ROCK1: variants seen among roughly 807,000 people sequenced by gnomAD.
ROCK1 encodes the protein Rho associated coiled-coil containing protein kinase 1.
Under a neutral mutation model 196.8 loss-of-function variants are expected in ROCK1, and 36 were observed. The observed-to-expected ratio is 0.18, with a 90% confidence interval of 0.14 to 0.24. ROCK1 has a LOEUF of 0.24. ROCK1 is among the 10% of genes least tolerant of loss of function. ROCK1 has a pLI of 1.00. For missense variants in ROCK1, 920 were observed against 1,562.0 expected (o/e 0.59, Z 6.93); for synonymous variants, 443 against 515.9 (o/e 0.86, Z 1.91).
At chr18:21,079,762 T>A (rs2036467157) in intron 1 of ROCK1, among the ~76,000 whole-genome samples, 1 of 152,192 alleles carries the variant, frequency 6.6e-6, no homozygotes, top group South Asian at 2.1e-4. Flanking sequence ...TGTAAAGGTC[T>A]GGGTTGTCTC....
chr18:21,052,584 A>C (rs893845716), intron 2 of ROCK1, among the ~76,000 whole-genome samples: 1 of 152,186 alleles, frequency 6.6e-6, no homozygotes, highest in Admixed American at 6.5e-5. Context: ...ACTGGGCCAC[A>C]CAGCATGAGG....
chr18:21,028,793 T>C lies in ROCK1; in HGVS notation c.1194A>G (p.Thr398=). Residue 398 remains threonine, a synonymous_variant, in exon 10 of 33, where the codon ACA becomes ACG. Transcript: ENST00000399799. ...VGNQLPFVGF[T]YYSNRRYLSS... ...ATACTTACCTACGATTGCTATAATA[T>C]GTAAATCCTACAAAAGGTAGTTGAT... 1.2e-6 allele frequency: 2 copies of C among 1,611,826 alleles called. No individual in the cohort carries two copies. The highest frequency in any genetic ancestry group is 1.7e-6 in the Non-Finnish European group (2 of 1,179,406).
At chr18:20,958,912 TTA>T (rs1568367081) in intron 29 of ROCK1, among the ~76,000 whole-genome samples, 1 of 75,062 alleles carries the variant, frequency 1.3e-5, no homozygotes. Flanking sequence ...TATATATATT[TTA>T]TATATTTTAT....
chr18:21,097,657 T>G (rs1458588565), intron 1 of ROCK1, among the ~76,000 whole-genome samples: 1 of 152,196 alleles, frequency 6.6e-6, no homozygotes, highest in Non-Finnish European at 1.5e-5. Flanking sequence ...CAAAAGTAGT[T>G]TTTCCCAAGG....
rs137990361 is a variant in ROCK1, at chr18:21,079,773, G to A, written c.94-9160C>T. Among the ~76,000 whole-genome samples the A allele has an allele frequency of 6.8e-3, 1,028 of 152,254 alleles. 11 individuals are homozygous for A. The highest frequency in any genetic ancestry group is 0.022 in the African/African-American group (919 of 41,530). On this transcript the variant is annotated intron_variant, in intron 1 of 32. Transcript: ENST00000399799. ...AACTTGTAAAGGTCTGGGTTGTCTCGCAGAGCAAAGAAAGCCTGTACATAG... is the reference window on the plus strand; with the variant it reads ...AACTTGTAAAGGTCTGGGTTGTCTCACAGAGCAAAGAAAGCCTGTACATAG...
At chr18:21,023,882 A>T (rs117979437) in intron 10 of ROCK1, among the ~76,000 whole-genome samples, 104 of 152,320 alleles carry the variant, frequency 6.8e-4, no homozygotes, top group Non-Finnish European at 1.2e-3. Context: ...TTAGGTCTAA[A>T]AATAGTAGCA....
At chr18:20,959,170 A>AAT (rs1350848948) in intron 29 of ROCK1, among the ~76,000 whole-genome samples, 2 of 63,536 alleles carry the variant, frequency 3.1e-5, no homozygotes, top group East Asian at 4.5e-4. Context: ...TATATTATAT[A>AAT]ATATATATAA....
chr18:20,964,831 A>T (rs745739335), intron 27 of ROCK1, among the ~76,000 whole-genome samples: 1 of 152,212 alleles, frequency 6.6e-6, no homozygotes, highest in Admixed American at 6.5e-5. Context: ...AAGTCTGCCA[A>T]TGAAGCCAGC....
intron 2 of ROCK1, among the ~76,000 whole-genome samples, chr18:21,069,770 G>C (rs562997939): frequency 3.2e-4 from 49 of 152,054 alleles, no homozygotes; most frequent in African/African-American, 1.2e-3. Context: ...TATGTCCATA[G>C]GACATGAGAA....
At chr18:20,992,715 T>C in intron 17 of ROCK1, 116 bp downstream of exon 17, 1 of 615,786 alleles carries the variant, frequency 1.6e-6, no homozygotes. Context: ...TAAAAACTTT[T>C]AGAAATGTAA....
chr18:21,080,602 A>C (rs1206615059), intron 1 of ROCK1, among the ~76,000 whole-genome samples: 1 of 152,182 alleles, frequency 6.6e-6, no homozygotes, highest in African/African-American at 2.4e-5. Flanking sequence ...GCTGCCCATA[A>C]GGAACTCACT....
rs192328351 is a variant in ROCK1 at position 21,015,625 on chromosome 18, C to T, written c.1362-146G>A. ...GATCTCTTTGGCAGTCAAGTGAAGC[C>T]TATGGCCTTTTTTCAAAATATTTTT... On this transcript the variant is annotated intron_variant, in intron 12 of 32. Coordinates refer to ENST00000399799, the MANE Select transcript of ROCK1 (RefSeq NM_005406.3). 9.6e-5 allele frequency: 60 copies of T among 625,124 alleles called. No homozygotes were observed. The African/African-American group carries it at 1.0e-3, about 11-fold the overall frequency. 38.7% of individuals were successfully genotyped at this position (625,124 alleles called of 1,614,324 possible).
At chr18:21,098,244 C>A (rs1293408644) in intron 1 of ROCK1, among the ~76,000 whole-genome samples, 1 of 151,920 alleles carries the variant, frequency 6.6e-6, no homozygotes, top group African/African-American at 2.4e-5. Flanking sequence ...GCAAGAGAGA[C>A]CAATGGAACA....
intron 20 of ROCK1, among the ~76,000 whole-genome samples, chr18:20,983,935 A>G (rs943594186): frequency 2.6e-5 from 4 of 152,182 alleles, no homozygotes; most frequent in Non-Finnish European, 5.9e-5. Flanking sequence ...CTTGTTCTCC[A>G]TTTCAAATAA....
At position 21,083,276 on chromosome 18, in the gene ROCK1, G is replaced by C. The variant is rs145909988; in HGVS notation, c.94-12663C>G. On this transcript the variant is annotated intron_variant, in intron 1 of 32. Transcript: ENST00000399799. ...ACTCAAAGTAATATACAGATTAAAT[G>C]TAATCCCTATCAAAATCCCAATGGT... 7.2e-5 allele frequency among the ~76,000 whole-genome samples: 11 copies of C among 152,226 alleles called. No individual in the cohort carries two copies. The East Asian group carries it at 2.1e-3, about 29-fold the overall frequency.
intron 32 of ROCK1, among the ~76,000 whole-genome samples, chr18:20,951,892 G>A (rs1055449183): frequency 6.6e-6 from 1 of 152,122 alleles, no homozygotes; most frequent in Non-Finnish European, 1.5e-5. Context: ...ATTAATCTAG[G>A]GAGTACACTC....
At chr18:20,970,251 TA>T in intron 23 of ROCK1, 96 bp downstream of exon 23, 1 of 864,710 alleles carries the variant, frequency 1.2e-6, no homozygotes. Flanking sequence ...AACATAGAAG[TA>T]AATACACTTG....
At chr18:20,970,575 C>A in intron 22 of ROCK1, 62 bp from the exon 23 acceptor site, 1 of 1,118,074 alleles carries the variant, frequency 8.9e-7, no homozygotes, top group Non-Finnish European at 1.3e-6. Context: ...CCAACTTAAT[C>A]ATATTCTTAA....
intron 4 of ROCK1, among the ~76,000 whole-genome samples, chr18:21,048,635 G>A (rs762672841): frequency 2.0e-5 from 3 of 151,790 alleles, no homozygotes; most frequent in Non-Finnish European, 2.9e-5. Flanking sequence ...CTATAGCCTC[G>A]ACCTCCTGGA....
Sources: allele counts gnomAD v4.1 joint callset (sites outside exome capture counted in the v4.1 genomes callset), GRCh38; gene constraint gnomAD v4.1.1; transcripts MANE v1.5; gene names NCBI Gene and HGNC (gene_info 2026-07-23, HGNC 2026-07-21).